FSTL5: variants seen among roughly 807,000 people sequenced by gnomAD.
FSTL5 encodes the protein follistatin like 5, also known as follistatin-related protein 5.
FSTL5 carries 62 observed loss-of-function variants against 89.1 expected under a neutral mutation model. That is an observed-to-expected ratio of 0.70 (90% CI 0.57 to 0.86). FSTL5 has a LOEUF of 0.86. Among genes scored for constraint, FSTL5 ranks in the 40% least tolerant of loss-of-function variants. FSTL5 has a pLI of 0.00. For synonymous variants in FSTL5, 383 were observed against 346.2 expected (o/e 1.11, Z -1.18); for missense variants, 1,057 against 1,001.6 (o/e 1.06, Z -0.75).
chr4:161,587,121 T>C (rs1054110224), intron 8 of FSTL5, among the ~76,000 whole-genome samples: 1 of 152,254 alleles, frequency 6.6e-6, no homozygotes, highest in East Asian at 1.9e-4. Context: ...ATTAAATAGA[T>C]GATCTGCTTA....
At chr4:161,394,626 A>T (rs1730939809) in intron 15 of FSTL5, among the ~76,000 whole-genome samples, 1 of 152,186 alleles carries the variant, frequency 6.6e-6, no homozygotes, top group Non-Finnish European at 1.5e-5. Flanking sequence ...TATGATCAAT[A>T]CTAGTTAATG....
At chr4:161,467,111 CTG>C (rs1480162287) in intron 13 of FSTL5, among the ~76,000 whole-genome samples, 1 of 151,970 alleles carries the variant, frequency 6.6e-6, no homozygotes, top group Non-Finnish European at 1.5e-5. Flanking sequence ...ATTTCAATAA[CTG>C]TAACATTATT....
At chr4:161,799,208 G>A (rs2126827540) in intron 4 of FSTL5, among the ~76,000 whole-genome samples, 1 of 151,694 alleles carries the variant, frequency 6.6e-6, no homozygotes, top group South Asian at 2.1e-4. Flanking sequence ...AATTACATGT[G>A]AAGAGCTTGC....
rs560027577 is a variant in FSTL5, at chr4:161,900,342, T to G, written c.409+20062A>C. Among the ~76,000 whole-genome samples, 7 of 152,164 alleles carry G rather than the reference T, an allele frequency of 4.6e-5. No homozygotes were observed. In the South Asian group the frequency reaches 1.0e-3, roughly 23 times the overall value. On this transcript the variant is annotated intron_variant, in intron 4 of 15. Transcript: ENST00000306100. ...CAACGGGAACAACTAAGGAAGTGGT[T>G]AGTAACTCGGGTTCTCAGCAAGAAC...
rs537486462 is a variant in FSTL5 at position 161,537,823 on chromosome 4, G to A, written c.1312+343C>T. 2.0e-5 allele frequency among the ~76,000 whole-genome samples: 3 copies of A among 152,090 alleles called. No homozygotes were observed. The South Asian group carries it at 6.2e-4, about 32-fold the overall frequency. On this transcript the variant is annotated intron_variant, in intron 10 of 15. Coordinates refer to ENST00000306100, the MANE Select transcript of FSTL5 (RefSeq NM_020116.5). ...TATTCTACCTAGAAGATACACATTG[G>A]ATACATTTGGGGGCCTTGAATTCCC...
At chr4:161,598,813 C>A (rs1297218398) in intron 7 of FSTL5, among the ~76,000 whole-genome samples, 1 of 151,760 alleles carries the variant, frequency 6.6e-6, no homozygotes, top group African/African-American at 2.4e-5. Context: ...TTCTACCTCA[C>A]AGAATACACA....
intron 4 of FSTL5, among the ~76,000 whole-genome samples, chr4:161,822,581 A>G (rs1385856666): frequency 1.3e-5 from 2 of 152,208 alleles, no homozygotes; most frequent in African/African-American, 4.8e-5. Flanking sequence ...TAGAGATACC[A>G]TGAACTGCAG....
At chr4:161,846,213 G>A (rs1023321263) in intron 4 of FSTL5, among the ~76,000 whole-genome samples, 3 of 151,944 alleles carry the variant, frequency 2.0e-5, no homozygotes, top group Non-Finnish European at 4.4e-5. Flanking sequence ...CTATAATGAA[G>A]TGAAATATTA....
chr4:161,596,109 G>T (rs1270891995), intron 7 of FSTL5, among the ~76,000 whole-genome samples: 2 of 151,756 alleles, frequency 1.3e-5, no homozygotes, highest in Non-Finnish European at 2.9e-5. Flanking sequence ...TATTGAGATT[G>T]ACTAAAGCAA....
intron 8 of FSTL5, among the ~76,000 whole-genome samples, chr4:161,569,019 C>T (rs1390273363): frequency 1.3e-5 from 2 of 152,116 alleles, no homozygotes; most frequent in Non-Finnish European, 2.9e-5. Context: ...CTTATCATGG[C>T]TTTCTACAAT....
chr4:162,129,065 T>C (rs1009229923), intron 1 of FSTL5, among the ~76,000 whole-genome samples: 1 of 152,094 alleles, frequency 6.6e-6, no homozygotes, highest in African/African-American at 2.4e-5. Context: ...CCCAAGTAGC[T>C]GGGATTACAG....
chr4:161,574,271 C>T (rs4311274), intron 8 of FSTL5, among the ~76,000 whole-genome samples: 47,078 of 151,758 alleles, frequency 0.31, 7,993 homozygotes, highest in Non-Finnish European at 0.38. Flanking sequence ...AGAATATTCA[C>T]CTGACCACAC....
At chr4:161,801,379 T>C (rs1268374015) in intron 4 of FSTL5, among the ~76,000 whole-genome samples, 1 of 151,580 alleles carries the variant, frequency 6.6e-6, no homozygotes, top group African/African-American at 2.4e-5. Context: ...GAAGAACGAA[T>C]GGAGCCTGAC....
intron 6 of FSTL5, among the ~76,000 whole-genome samples, chr4:161,707,351 A>G (rs2126736014): frequency 6.6e-6 from 1 of 152,044 alleles, no homozygotes; most frequent in South Asian, 2.1e-4. Context: ...GATGCAATTA[A>G]TGCCTATTTT....
At chr4:161,816,118 G>A (rs1187971919) in intron 4 of FSTL5, among the ~76,000 whole-genome samples, 2 of 152,106 alleles carry the variant, frequency 1.3e-5, no homozygotes, top group Admixed American at 6.5e-5. Flanking sequence ...GCTAAATCAG[G>A]CAGATGAACT....
At chr4:161,527,309 T>G (rs527925439) in intron 10 of FSTL5, among the ~76,000 whole-genome samples, 1 of 152,058 alleles carries the variant, frequency 6.6e-6, no homozygotes, top group Non-Finnish European at 1.5e-5. Context: ...CTAATTAAAC[T>G]AAAGAGCTTC....
At chr4:161,692,341 C>CGTGTGTGT (rs70937677) in intron 6 of FSTL5, among the ~76,000 whole-genome samples, 75 of 148,846 alleles carry the variant, frequency 5.0e-4, no homozygotes, top group African/African-American at 1.3e-3. Context: ...ATATGGAGAT[C>CGTGTGTGT]GTGTGTGTGT....
chr4:161,448,399 C>T (rs781721142), intron 15 of FSTL5, among the ~76,000 whole-genome samples: 89 of 152,162 alleles, frequency 5.8e-4, no homozygotes, highest in Non-Finnish European at 9.7e-4. Flanking sequence ...TACACCTGGC[C>T]TGTCCATGAA....
At position 161,721,761 on chromosome 4, in the gene FSTL5, G is replaced by A. The variant is rs1000777697; in HGVS notation, c.727+37650C>T. On this transcript the variant is annotated intron_variant, in intron 6 of 15. Coordinates refer to ENST00000306100, the MANE Select transcript of FSTL5 (RefSeq NM_020116.5). ...AGTGAGAGAAAAAATTAAAGTCACC[G>A]TCCCATATAGGCAAGCTTTTCTTTG... Among the ~76,000 whole-genome samples the A allele has an allele frequency of 1.1e-4, 16 of 152,252 alleles. 1 individual carries two copies. Among genetic ancestry groups the A allele is most frequent in the South Asian group, 8.3e-4 (4 of 4,826 alleles).
Sources: gnomAD v4.1 joint callset for allele counts (sites outside exome capture counted in the v4.1 genomes callset) on GRCh38, gnomAD v4.1.1 for gene constraint, MANE v1.5 for transcripts, NCBI Gene and HGNC (gene_info 2026-07-23, HGNC 2026-07-21) for gene names.